ANO3: variants seen among roughly 807,000 people sequenced by gnomAD.
ANO3 encodes the protein anoctamin-3.
Under a neutral mutation model 144.8 loss-of-function variants are expected in ANO3, and 99 were observed. The ratio of observed to expected loss-of-function variants is 0.68; its 90% CI spans 0.58 to 0.81. The LOEUF (loss-of-function observed/expected upper bound fraction) is 0.81, where lower values mean the gene tolerates loss of function less well. ANO3 is among the 30% of genes least tolerant of loss of function. The pLI, the probability that ANO3 is intolerant of heterozygous loss-of-function variation, is 0.00. For synonymous variants in ANO3, 414 were observed against 392.6 expected (o/e 1.05, Z -0.64); for missense variants, 905 against 1,202.2 (o/e 0.75, Z 3.66).
chr11:26,546,631 G>T (rs560271231), intron 11 of ANO3, among the ~76,000 whole-genome samples: 1 of 151,982 alleles, frequency 6.6e-6, no homozygotes, highest in South Asian at 2.1e-4. Context: ...ACCGGCAGTA[G>T]GTTAGGTGAA....
At chr11:26,226,797 A>C (rs927197727) in intron 1 of ANO3, among the ~76,000 whole-genome samples, 6 of 151,978 alleles carry the variant, frequency 3.9e-5, no homozygotes, top group Non-Finnish European at 5.9e-5. Flanking sequence ...TACACGTAAC[A>C]TTTTCCAGTT....
intron 3 of ANO3, among the ~76,000 whole-genome samples, chr11:26,444,637 G>A (rs926606742): frequency 6.6e-6 from 1 of 152,172 alleles, no homozygotes; most frequent in African/African-American, 2.4e-5. Flanking sequence ...AGTGAAATTA[G>A]TATACGTACT....
intron 1 of ANO3, among the ~76,000 whole-genome samples, chr11:26,244,647 T>A (rs1299034905): frequency 6.6e-6 from 1 of 152,170 alleles, no homozygotes; most frequent in Non-Finnish European, 1.5e-5. Flanking sequence ...CCTGTATACA[T>A]GACCAAAATG....
At chr11:26,480,409 G>GT (rs371133028) in intron 4 of ANO3, among the ~76,000 whole-genome samples, 12 of 152,062 alleles carry the variant, frequency 7.9e-5, no homozygotes, top group East Asian at 7.7e-4. Context: ...AAATATGCCA[G>GT]TTTTTTTTGT....
At chr11:26,276,682 G>T (rs149479393) in intron 1 of ANO3, among the ~76,000 whole-genome samples, 6 of 152,128 alleles carry the variant, frequency 3.9e-5, no homozygotes, top group African/African-American at 1.4e-4. Context: ...GCTTTCAAAG[G>T]CCAATTCAAT....
At chr11:26,227,472 C>A (rs1364951972) in intron 1 of ANO3, among the ~76,000 whole-genome samples, 2 of 152,086 alleles carry the variant, frequency 1.3e-5, no homozygotes, top group Admixed American at 6.6e-5. Flanking sequence ...ATTTTCTGTT[C>A]TTTCTCAGGA....
intron 4 of ANO3, among the ~76,000 whole-genome samples, chr11:26,483,011 G>C (rs928248245): frequency 6.6e-6 from 1 of 151,748 alleles, no homozygotes; most frequent in Non-Finnish European, 1.5e-5. Context: ...TTGCTATTGT[G>C]AACAGTGCTG....
chr11:26,413,453 T>C (rs1011104133), intron 1 of ANO3, among the ~76,000 whole-genome samples: 2 of 152,064 alleles, frequency 1.3e-5, no homozygotes, highest in Non-Finnish European at 2.9e-5. Context: ...CTTAGAATTG[T>C]CTAATTTTTC....
Position 26,532,624 on chromosome 11 carries a change from A to G in ANO3, c.869+1288A>G, listed in dbSNP as rs1849402961. On this transcript the variant is annotated intron_variant, in intron 8 of 26. Transcript: ENST00000256737. ...TTCACCTTTTACTCACTCCAGCCATACAAGCCTTGGTTCTATCTGTTGAAA... is the reference window on the plus strand; with the variant it reads ...TTCACCTTTTACTCACTCCAGCCATGCAAGCCTTGGTTCTATCTGTTGAAA... Among the ~76,000 whole-genome samples the G allele has an allele frequency of 4.6e-5, 7 of 152,112 alleles. No homozygotes were observed. The South Asian group carries it at 1.5e-3, about 32-fold the overall frequency.
chr11:26,313,114 G>T (rs1029528127), intron 1 of ANO3, among the ~76,000 whole-genome samples: 1 of 152,108 alleles, frequency 6.6e-6, no homozygotes, highest in Admixed American at 6.5e-5. Flanking sequence ...TTGGATAAAA[G>T]GTGAGTACCT....
intron 1 of ANO3, among the ~76,000 whole-genome samples, chr11:26,195,425 G>A (rs1215830489): frequency 6.6e-6 from 1 of 152,154 alleles, no homozygotes; most frequent in Non-Finnish European, 1.5e-5. Context: ...ACAAAAAGGA[G>A]CCAGAAAAAA....
intron 1 of ANO3, among the ~76,000 whole-genome samples, chr11:26,380,496 T>A (rs545605003): frequency 1.8e-3 from 267 of 152,316 alleles, no homozygotes; most frequent in Non-Finnish European, 3.0e-3. Flanking sequence ...AGGTGTCTGG[T>A]GAGCACTCAT....
At chr11:26,193,683 A>AT (rs1174325159) in intron 1 of ANO3, among the ~76,000 whole-genome samples, 1 of 152,098 alleles carries the variant, frequency 6.6e-6, no homozygotes, top group Admixed American at 6.6e-5. Flanking sequence ...TGATATTCTT[A>AT]TTTTTTTACA....
chr11:26,448,676 C>T (rs912508313), intron 3 of ANO3, among the ~76,000 whole-genome samples: 40 of 152,074 alleles, frequency 2.6e-4, no homozygotes, highest in Admixed American at 1.0e-3. Flanking sequence ...TTCTAATATT[C>T]CTAAGCTACT....
rs541564673 is a variant in ANO3 at position 26,508,240 on chromosome 11, A to C, written c.569A>C (p.Glu190Ala). 6.3e-7 allele frequency: 1 copy of C among 1,596,192 alleles called. No homozygotes were observed. Among genetic ancestry groups the C allele is most frequent in the Admixed American group, 1.8e-5 (1 of 55,536 alleles). ...ACATTTGAAAAGAACCTCAGAGCAG[A>C]AGGCTTGATGTTGGAGAAGGAGGTA... Reference protein sequence around the residue: ...RNTFEKNLRAEGLMLEKEPAI... With the variant: ...RNTFEKNLRAAGLMLEKEPAI... The change falls in exon 5 of 27, where the codon GAA (glutamate) becomes GCA (alanine). Residue 190 changes from glutamate (E) to alanine (A), a missense_variant. This residue lies in a region of ANO3 where 63 missense variants were observed against 107.3 expected (regional missense o/e 0.59). Transcript: ENST00000256737.
intron 1 of ANO3, among the ~76,000 whole-genome samples, chr11:26,218,916 C>T (rs192480569): frequency 9.9e-5 from 15 of 152,218 alleles, no homozygotes; most frequent in African/African-American, 3.1e-4. Flanking sequence ...TATTAAATTG[C>T]CACAGGATGA....
chr11:26,302,578 A>T (rs1854261654), intron 1 of ANO3, among the ~76,000 whole-genome samples: 1 of 152,234 alleles, frequency 6.6e-6, no homozygotes, highest in Admixed American at 6.5e-5. Flanking sequence ...TAACGGCCTT[A>T]AACAAATATT....
intron 9 of ANO3, among the ~76,000 whole-genome samples, chr11:26,535,604 A>AGT (rs1849488543): frequency 2.8e-5 from 2 of 71,012 alleles, no homozygotes; most frequent in East Asian, 5.1e-4. Flanking sequence ...TTTTTTTCAG[A>AGT]TGGAGTCTTG....
At chr11:26,198,514 C>A (rs113897943) in intron 1 of ANO3, among the ~76,000 whole-genome samples, 3 of 152,010 alleles carry the variant, frequency 2.0e-5, no homozygotes, top group African/African-American at 7.2e-5. Context: ...AAGATAGAAA[C>A]GGAAAGAAAT....
Sources: gnomAD v4.1 joint callset for allele counts (sites outside exome capture counted in the v4.1 genomes callset) on GRCh38, gnomAD v4.1.1 for gene constraint, gnomAD v4.1.1 regional missense constraint, MANE v1.5 for transcripts, NCBI Gene and HGNC (gene_info 2026-07-23, HGNC 2026-07-21) for gene names.